Variants in NAF1 observed in about 807,000 individuals in gnomAD.
The protein encoded by NAF1 is H/ACA ribonucleoprotein complex non-core subunit NAF1.
A neutral mutation model predicts 40.6 loss-of-function variants in NAF1; 11 were observed. The ratio of observed to expected loss-of-function variants is 0.27; its 90% CI spans 0.17 to 0.45. The LOEUF (loss-of-function observed/expected upper bound fraction) is 0.45. Ranked by LOEUF, NAF1 falls within the 20% of genes least tolerant of loss-of-function variation. The pLI is 1.00. For synonymous variants in NAF1, 260 were observed against 228.5 expected (o/e 1.14, Z -1.24); for missense variants, 607 against 611.1 (o/e 0.99, Z 0.07).
chr4:163,119,300 T>G (rs1730445920), intron 2 of NAF1: 1 of 152,226 alleles, frequency 6.6e-6, no homozygotes. Context: ...ACCATTAAAT[T>G]TGTTAAGCTG....
chr4:163,105,595 C>A (rs1235841799), downstream of NAF1, among the ~76,000 whole-genome samples: 4 of 152,178 alleles, frequency 2.6e-5, no homozygotes, highest in African/African-American at 9.7e-5. Flanking sequence ...GCATAAAAAT[C>A]TGTTGGAAAT....
At chr4:163,144,125 T>A (rs138820579) in intron 4 of NAF1, 2 of 514,620 alleles carry the variant, frequency 3.9e-6, no homozygotes, top group Non-Finnish European at 5.0e-6. Context: ...CCCACTGATA[T>A]ATGAGAAGGA....
intron 6 of NAF1, chr4:163,135,347 A>C (rs965314923): frequency 1.3e-5 from 2 of 152,246 alleles, no homozygotes; most frequent in South Asian, 4.1e-4. Context: ...TTAATGATCC[A>C]GTTCAAGCTA....
At chr4:163,161,836 GGTTT>G (rs1247398576) in intron 2 of NAF1, among the ~76,000 whole-genome samples, 2 of 152,042 alleles carry the variant, frequency 1.3e-5, no homozygotes, top group East Asian at 3.9e-4. Context: ...CATTCCATGT[GGTTT>G]ATATAGGGCT....
chr4:163,141,351 C>T (rs1329622947), intron 4 of NAF1, among the ~76,000 whole-genome samples: 1 of 151,948 alleles, frequency 6.6e-6, no homozygotes. Flanking sequence ...GGGACAAAAG[C>T]GAGATAATAT....
intron 1 of NAF1, among the ~76,000 whole-genome samples, chr4:163,165,990 A>T (rs1408325854): frequency 2.6e-5 from 4 of 152,180 alleles, no homozygotes; most frequent in Admixed American, 6.5e-5. Flanking sequence ...GATAAAAAAA[A>T]ATCAGATCTG....
At chr4:163,125,442 G>A (rs1560781197), downstream of NAF1, among the ~76,000 whole-genome samples, 1 of 152,358 alleles carries the variant, frequency 6.6e-6, no homozygotes, top group East Asian at 1.9e-4. Flanking sequence ...CAGATATGGA[G>A]TAAGTTTAAA....
chr4:163,108,118 C>T (rs371423831), downstream of NAF1, among the ~76,000 whole-genome samples: 8 of 152,122 alleles, frequency 5.3e-5, no homozygotes, highest in Admixed American at 3.3e-4. Flanking sequence ...ATATCAACAG[C>T]GATGTAAGTA....
chr4:163,128,594 C>A, downstream of NAF1: 1 of 348,156 alleles, frequency 2.9e-6, no homozygotes, highest in Non-Finnish European at 4.1e-6. Flanking sequence ...GAAACTTGTC[C>A]CATATCCATT....
chr4:163,115,245 G>T, intron 2 of NAF1, among the ~76,000 whole-genome samples: 1 of 119,798 alleles, frequency 8.3e-6, no homozygotes, highest in African/African-American at 3.2e-5. Flanking sequence ...GTCTCGCTCT[G>T]TCGCCCAGGC....
chr4:163,127,051 G>A, downstream of NAF1: 1 of 1,551,620 alleles, frequency 6.4e-7, no homozygotes, highest in African/African-American at 1.4e-5. Context: ...CAAAAAGTTT[G>A]TGTGACTCAC....
At chr4:163,133,356 G>T in intron 6 of NAF1, 100 bp from the exon 7 acceptor site, 2 of 796,586 alleles carry the variant, frequency 2.5e-6, no homozygotes, top group South Asian at 1.9e-5. Flanking sequence ...ATGCATCAAT[G>T]ACTCTAAAAA....
intron 1 of NAF1, 129 bp downstream of exon 1, chr4:163,166,234 C>G (rs886275739): frequency 6.7e-6 from 8 of 1,190,526 alleles, no homozygotes; most frequent in African/African-American, 1.6e-5. Context: ...AACACGTGAG[C>G]CCGGAGCACC....
At chr4:163,122,087 A>C (rs976327127), downstream of NAF1, among the ~76,000 whole-genome samples, 6 of 152,234 alleles carry the variant, frequency 3.9e-5, no homozygotes, top group Non-Finnish European at 8.8e-5. Context: ...AAGAAAATAC[A>C]TACAAATGAC....
At position 163,129,312 on chromosome 4, in the gene NAF1, G is replaced by C. The variant is rs535309059; in HGVS notation, c.1070C>G (p.Ala357Gly). 11 of 1,613,552 alleles carry C rather than the reference G, an allele frequency of 6.8e-6. No homozygotes were observed. In the African/African-American group the frequency reaches 1.3e-4, roughly 20 times the overall value. The change falls in exon 8 of 8, where the codon GCT (alanine) becomes GGT (glycine). Residue 357 changes from alanine (A) to glycine (G), a missense_variant. By Grantham distance (60) the Ala-to-Gly change is moderately conservative. Transcript: ENST00000274054. ...TGCATGCTCTGAAGCAGAGCTATGA[G>C]CATTCCAATTCTGATGTACTTCAGT... ...DFTEVHQNWN[A>G]HSSASEHAKG... is the part of the protein sequence containing the mutation.
intron 7 of NAF1, among the ~76,000 whole-genome samples, chr4:163,130,929 A>T (rs1263639874): frequency 6.6e-6 from 1 of 152,236 alleles, no homozygotes; most frequent in Non-Finnish European, 1.5e-5. Flanking sequence ...CCCTGGCTGG[A>T]GTGCAGTGGC....
downstream of NAF1, among the ~76,000 whole-genome samples, chr4:163,123,572 G>C (rs939033218): frequency 6.6e-6 from 1 of 152,000 alleles, no homozygotes; most frequent in Non-Finnish European, 1.5e-5. Context: ...TGTAGACAAG[G>C]TTTCACCATG....
At chr4:163,109,516 A>G (rs1446951207), downstream of NAF1, among the ~76,000 whole-genome samples, 1 of 152,166 alleles carries the variant, frequency 6.6e-6, no homozygotes, top group Non-Finnish European at 1.5e-5. Context: ...TGTCTAAAAT[A>G]TTTCAATGTC....
At chr4:163,136,879 A>ATGT (rs1426292794) in intron 6 of NAF1, among the ~76,000 whole-genome samples, 1 of 152,254 alleles carries the variant, frequency 6.6e-6, no homozygotes, top group Non-Finnish European at 1.5e-5. Context: ...TTAAAAAATA[A>ATGT]TGACAGCCTG....
Sources: gnomAD v4.1 joint callset for allele counts (sites outside exome capture counted in the v4.1 genomes callset) on GRCh38, gnomAD v4.1.1 for gene constraint, MANE v1.5 for transcripts, NCBI Gene and HGNC (gene_info 2026-07-23, HGNC 2026-07-21) for gene names.